DCAF10: variants seen among roughly 807,000 people sequenced by gnomAD.
DCAF10 encodes DDB1- and CUL4-associated factor 10.
Under a neutral mutation model 51.9 loss-of-function variants are expected in DCAF10, and 19 were observed. The observed-to-expected ratio is 0.37, with a 90% CI of 0.26 to 0.54. DCAF10 has a LOEUF of 0.54. DCAF10 is among the 20% of genes least tolerant of loss of function. The pLI is 0.87. For missense variants in DCAF10, 510 were observed against 730.6 expected, an observed-to-expected ratio of 0.70 and a Z score of 3.48; for synonymous variants, 291 against 297.1, an observed-to-expected ratio of 0.98 and a Z score of 0.21.
intron 2 of DCAF10, among the ~76,000 whole-genome samples, chr9:37,824,507 G>A (rs1214296032): frequency 1.3e-5 from 2 of 149,296 alleles, no homozygotes; most frequent in East Asian, 2.0e-4. Flanking sequence ...GGGCAAAAGA[G>A]AATATTGAAA....
At chr9:37,803,536 A>G (rs1371238709) in intron 1 of DCAF10, among the ~76,000 whole-genome samples, 2 of 151,806 alleles carry the variant, frequency 1.3e-5, no homozygotes, top group Middle Eastern at 3.4e-3. Context: ...TCTGATTCCT[A>G]CATTCTAGAC....
chr9:37,857,814 C>G (rs974448377), intron 5 of DCAF10, among the ~76,000 whole-genome samples: 3 of 152,136 alleles, frequency 2.0e-5, no homozygotes, highest in African/African-American at 7.2e-5. Context: ...AGTGAGCTAC[C>G]ATCTGGCTCC....
chr9:37,830,463 A>G (rs1178645189), intron 2 of DCAF10, among the ~76,000 whole-genome samples: 1 of 152,258 alleles, frequency 6.6e-6, no homozygotes, highest in Non-Finnish European at 1.5e-5. Flanking sequence ...ATGGTTACAT[A>G]CATATGAATT....
chr9:37,854,725 T>G, intron 3 of DCAF10, 55 bp from the exon 4 acceptor site: 1 of 1,518,008 alleles, frequency 6.6e-7, no homozygotes, highest in South Asian at 1.2e-5. Flanking sequence ...TGATTATTAC[T>G]GAACCGTTAT....
intron 2 of DCAF10, among the ~76,000 whole-genome samples, chr9:37,830,205 C>T (rs1829967973): frequency 6.6e-6 from 1 of 152,036 alleles, no homozygotes. Context: ...GAACTAAAAG[C>T]ATCAGCATCT....
At chr9:37,850,878 A>ATG (rs1830629270) in intron 3 of DCAF10, among the ~76,000 whole-genome samples, 3 of 94,034 alleles carry the variant, frequency 3.2e-5, no homozygotes, top group African/African-American at 1.2e-4. Flanking sequence ...ATATATATAT[A>ATG]TATAAATTAG....
Position 37,842,135 on chromosome 9 carries a change from A to G in DCAF10, c.700A>G (p.Ile234Val), listed in dbSNP as rs371428227. ...LFATCSDDTT[I>V]ALWDLRKLNT... ...TGCTACCTGCTCTGATGACACTACA[A>G]TAGCACTATGGGATCTGAGAAAATT... Residue 234 changes from isoleucine (I) to valine (V), a missense_variant, in exon 3 of 7, where the codon ATA (isoleucine) becomes GTA (valine). This residue lies in a region of DCAF10 where 126 missense variants were observed against 271.5 expected (regional missense o/e 0.46). Coordinates refer to ENST00000377724, the MANE Select transcript of DCAF10 (RefSeq NM_024345.5). 11 of 1,613,878 alleles carry G rather than the reference A, an allele frequency of 6.8e-6. No individual in the cohort carries two copies. The East Asian group carries it at 8.9e-5, about 13-fold the overall frequency.
In DCAF10 at chr9:37,835,925, T is replaced by A. The variant is rs923399362; in HGVS notation, c.654-6164T>A. 3.5e-6 allele frequency: 4 copies of A among 1,155,192 alleles called. No homozygotes were observed. In the African/African-American group the frequency reaches 6.1e-5, roughly 18 times the overall value. 71.6% of individuals were successfully genotyped at this position (1,155,192 alleles called of 1,614,324 possible). Reference sequence around the variant, plus strand: ...GAAAACTGTACCCACTTCATATTGGTACTGAGAAGAAAGCCACCATTTTTG... The same window carrying A: ...GAAAACTGTACCCACTTCATATTGGAACTGAGAAGAAAGCCACCATTTTTG... On this transcript the variant is annotated intron_variant, in intron 2 of 6. Transcript: ENST00000377724.
At chr9:37,836,206 C>G in intron 2 of DCAF10, 1 of 1,497,114 alleles carries the variant, frequency 6.7e-7, no homozygotes. Context: ...GAAATGAGAA[C>G]ACTTTACAGA....
chr9:37,849,147 T>C (rs968572754), intron 3 of DCAF10, among the ~76,000 whole-genome samples: 1 of 152,078 alleles, frequency 6.6e-6, no homozygotes, highest in Admixed American at 6.6e-5. Flanking sequence ...CTTAAGAAGA[T>C]TTCTCCTTAA....
In DCAF10 at chr9:37,864,829, T is replaced by A. The variant is rs548689570; in HGVS notation, c.*3321T>A. On this transcript the variant is annotated 3_prime_UTR_variant, in exon 7 of 7. Transcript: ENST00000377724. ...ATCATGTGTCAAATAATATACAGAC[T>A]TCACTACTAACCCTCACAAAAACTT... is the stretch of plus-strand genomic sequence containing the variant. 6.6e-6 allele frequency: 1 copy of A among 152,238 alleles called. No homozygotes were observed. Among genetic ancestry groups the A allele is most frequent in the Admixed American group, 6.5e-5 (1 of 15,282 alleles). 9.4% of individuals were successfully genotyped at this position (152,238 alleles called of 1,614,324 possible). A position where few individuals can be genotyped will look rare whatever the true frequency, so the allele number is the denominator to read the frequency against.
rs1157832141 is a variant in DCAF10 at position 37,839,020 on chromosome 9, T to TTAAG, written c.654-3069_654-3068insTAAG. Among the ~76,000 whole-genome samples the TTAAG allele has an allele frequency of 1.7e-3, 260 of 152,274 alleles. 1 individual carries two copies. The highest frequency in any genetic ancestry group is 5.6e-3 in the African/African-American group (231 of 41,564). ...TTTAAAACAGAAATTAAGCTAAACATCAATAAAGTGGTTATTTTTGGTGAT... is the reference window on the plus strand; with the variant it reads ...TTTAAAACAGAAATTAAGCTAAACATTAAGCAATAAAGTGGTTATTTTTGGTGAT... On this transcript the variant is annotated intron_variant, in intron 2 of 6. Coordinates refer to ENST00000377724, the MANE Select transcript of DCAF10 (RefSeq NM_024345.5).
chr9:37,850,826 T>TTATATATATATA (rs71494679), intron 3 of DCAF10, among the ~76,000 whole-genome samples: 24 of 45,840 alleles, frequency 5.2e-4, no homozygotes, highest in East Asian at 2.5e-3. Context: ...AGGATATATT[T>TTATATATATATA]TATATATATA....
Position 37,800,832 on chromosome 9 carries a change from G to A in DCAF10, c.-35G>A, listed in dbSNP as rs1343127205. The A allele has an allele frequency of 2.7e-6, 4 of 1,489,184 alleles. No homozygotes were observed. Among genetic ancestry groups the A allele is most frequent in the Non-Finnish European group, 2.7e-6 (3 of 1,125,704 alleles). The allele number at this position is 1,489,184 out of a possible 1,614,324, so 92.2% of individuals were successfully genotyped here. Reference sequence around the variant, plus strand: ...GGGCACTGAGGTGTCGGCCGGCGGGGCAGTGGCCCGGAGCGGGGGGCGGGG... The same window carrying A: ...GGGCACTGAGGTGTCGGCCGGCGGGACAGTGGCCCGGAGCGGGGGGCGGGG... On this transcript the variant is annotated 5_prime_UTR_variant, in exon 1 of 7. Coordinates refer to ENST00000377724, the MANE Select transcript of DCAF10 (RefSeq NM_024345.5).
rs866015307 is a variant in DCAF10, at chr9:37,801,029, C to A, written c.163C>A (p.Arg55Ser). 1 of 1,540,372 alleles carries A rather than the reference C, an allele frequency of 6.5e-7. No individual in the cohort carries two copies. The highest frequency in any genetic ancestry group is 8.7e-7 in the Non-Finnish European group (1 of 1,153,456). The change falls in exon 1 of 7, where the codon CGC (arginine) becomes AGC (serine). Residue 55 changes from arginine to serine, a missense_variant. This residue lies in a region of DCAF10 where 251 missense variants were observed against 227.9 expected (regional missense o/e 1.10). Transcript: ENST00000377724. This position sits in a 1 kb window ranked among gnomAD's most constrained non-coding sequence, Gnocchi z 5.5. ...TCCCCCTCCACCCGCCCGAAGCCCTCGCCGCCCCGGCGCCCCATCGCTGTC... is the reference window on the plus strand; with the variant it reads ...TCCCCCTCCACCCGCCCGAAGCCCTAGCCGCCCCGGCGCCCCATCGCTGTC... ...THPPPPARSP[R>S]RPGAPSLSPA...
intron 1 of DCAF10, among the ~76,000 whole-genome samples, chr9:37,817,461 G>A (rs1316148178): frequency 2.0e-5 from 3 of 152,130 alleles, no homozygotes. Flanking sequence ...AGTGGGGTGT[G>A]GTGGCGGGTG....
intron 2 of DCAF10, among the ~76,000 whole-genome samples, chr9:37,831,167 A>G (rs1829995913): frequency 6.6e-6 from 1 of 152,208 alleles, no homozygotes; most frequent in Admixed American, 6.5e-5. Context: ...CAGTGAGCCG[A>G]GATCGCGCCA....
At position 37,800,837 on chromosome 9, in the gene DCAF10, G is replaced by T; in HGVS notation, c.-30G>T. ...CTGAGGTGTCGGCCGGCGGGGCAGT[G>T]GCCCGGAGCGGGGGGCGGGGGCGTT... is the stretch of plus-strand genomic sequence containing the variant. On this transcript the variant is annotated 5_prime_UTR_variant, in exon 1 of 7. Coordinates refer to ENST00000377724, the MANE Select transcript of DCAF10 (RefSeq NM_024345.5). 1 of 1,486,734 alleles carries T rather than the reference G, an allele frequency of 6.7e-7. No individual in the cohort carries two copies. The highest frequency in any genetic ancestry group is 8.9e-7 in the Non-Finnish European group (1 of 1,125,040). 92.1% of individuals were successfully genotyped at this position (1,486,734 alleles called of 1,614,324 possible). A position where few individuals can be genotyped will look rare whatever the true frequency, so the allele number is the denominator to read the frequency against.
At chr9:37,853,854 C>T (rs1830766711) in intron 3 of DCAF10, among the ~76,000 whole-genome samples, 1 of 152,064 alleles carries the variant, frequency 6.6e-6, no homozygotes, top group Non-Finnish European at 1.5e-5. Context: ...CAGGTGTGAG[C>T]CACCACCCCT....
Sources: gnomAD v4.1 joint callset for allele counts (sites outside exome capture counted in the v4.1 genomes callset) on GRCh38, gnomAD v4.1.1 for gene constraint, gnomAD v4.1.1 regional missense constraint, Gnocchi (gnomAD v3.1) non-coding constraint, MANE v1.5 for transcripts, NCBI Gene and HGNC (gene_info 2026-07-23, HGNC 2026-07-21) for gene names.